Variants in SGPL1 observed in about 807,000 individuals in gnomAD.
SGPL1 encodes the protein sphingosine-1-phosphate lyase 1.
SGPL1 carries 37 observed loss-of-function variants against 68.9 expected under a neutral mutation model. The ratio of observed to expected loss-of-function variants is 0.54; its 90% CI spans 0.41 to 0.71. SGPL1 has a LOEUF of 0.71. Ranked by LOEUF, SGPL1 falls within the 30% of genes least tolerant of loss-of-function variation. SGPL1 has a pLI of 0.00. For missense variants in SGPL1, 551 were observed against 704.6 expected (o/e 0.78, Z 2.47); for synonymous variants, 236 against 248.5 (o/e 0.95, Z 0.47).
At chr10:70,874,648 G>A (rs1331677344) in intron 12 of SGPL1, among the ~76,000 whole-genome samples, 3 of 152,246 alleles carry the variant, frequency 2.0e-5, no homozygotes, top group African/African-American at 4.8e-5. Flanking sequence ...GCTTGAACCC[G>A]GGAGGCAGAG....
chr10:70,868,645 A>G (rs1264861247), intron 8 of SGPL1, among the ~76,000 whole-genome samples: 1 of 137,224 alleles, frequency 7.3e-6, no homozygotes, highest in Admixed American at 7.3e-5. Flanking sequence ...GATCATTCCC[A>G]TCCCGCCCCA....
intron 3 of SGPL1, among the ~76,000 whole-genome samples, chr10:70,848,395 G>A (rs1430680544): frequency 2.1e-5 from 3 of 141,500 alleles, no homozygotes; most frequent in Non-Finnish European, 4.5e-5. Flanking sequence ...ACAACATGAA[G>A]TTTTCAAATG....
intron 2 of SGPL1, among the ~76,000 whole-genome samples, chr10:70,832,488 T>C (rs1314476104): frequency 6.6e-6 from 1 of 152,178 alleles, no homozygotes; most frequent in East Asian, 1.9e-4. Flanking sequence ...GTAAGATAAG[T>C]ATGGGACTGG....
At chr10:70,866,044 T>A (rs1846180106) in intron 7 of SGPL1, among the ~76,000 whole-genome samples, 1 of 152,014 alleles carries the variant, frequency 6.6e-6, no homozygotes, top group African/African-American at 2.4e-5. Flanking sequence ...TAGAAAGAAG[T>A]GGGAGAGTAA....
intron 2 of SGPL1, among the ~76,000 whole-genome samples, chr10:70,841,246 A>G (rs771085321): frequency 1.3e-5 from 2 of 152,134 alleles, no homozygotes; most frequent in South Asian, 2.1e-4. Flanking sequence ...AACTGTCTCC[A>G]TGGGTAGCCC....
At chr10:70,862,399 G>A (rs1016020505) in intron 7 of SGPL1, among the ~76,000 whole-genome samples, 5 of 152,180 alleles carry the variant, frequency 3.3e-5, no homozygotes, top group African/African-American at 4.8e-5. Flanking sequence ...ACCAATCAGC[G>A]CCCTGACAAA....
At chr10:70,840,676 G>A (rs1845700374) in intron 2 of SGPL1, among the ~76,000 whole-genome samples, 1 of 152,130 alleles carries the variant, frequency 6.6e-6, no homozygotes, top group Non-Finnish European at 1.5e-5. Context: ...AAAGAATTTA[G>A]ATTTATCTCC....
intron 3 of SGPL1, among the ~76,000 whole-genome samples, chr10:70,849,679 G>A (rs1013415223): frequency 2.6e-5 from 4 of 152,242 alleles, no homozygotes; most frequent in African/African-American, 9.6e-5. Flanking sequence ...GACACATCCC[G>A]TGGTTGTTGA....
rs566295764 is a variant in SGPL1, at chr10:70,877,258, G to A, written c.1630G>A (p.Val544Ile). The A allele has an allele frequency of 6.2e-7, 1 of 1,614,062 alleles. No homozygotes were observed. Among genetic ancestry groups the A allele is most frequent in the African/African-American group, 1.3e-5 (1 of 75,060 alleles). Reference protein sequence around the residue: ...DRNMVAELSSVFLDSLYSTDT... With the variant: ...DRNMVAELSSIFLDSLYSTDT... Reference sequence around the variant, plus strand: ...GAATATGGTTGCAGAATTGTCCTCAGTCTTCTTGGACAGCTTGTACAGCAC... The same window carrying A: ...GAATATGGTTGCAGAATTGTCCTCAATCTTCTTGGACAGCTTGTACAGCAC... Residue 544 changes from valine (V) to isoleucine (I), a missense_variant, in exon 15 of 15, where the codon GTC becomes ATC. Coordinates refer to ENST00000373202, the MANE Select transcript of SGPL1 (RefSeq NM_003901.4).
At chr10:70,858,770 T>C (rs547302083) in intron 6 of SGPL1, among the ~76,000 whole-genome samples, 2 of 152,352 alleles carry the variant, frequency 1.3e-5, no homozygotes, top group South Asian at 4.1e-4. Context: ...AAATGTGTCA[T>C]GCTTTTACGT....
At chr10:70,861,523 C>T (rs1273170451) in intron 7 of SGPL1, among the ~76,000 whole-genome samples, 1 of 152,216 alleles carries the variant, frequency 6.6e-6, no homozygotes, top group Non-Finnish European at 1.5e-5. Flanking sequence ...CCTCCTCTGC[C>T]TGGGCTCCCA....
intron 3 of SGPL1, among the ~76,000 whole-genome samples, chr10:70,848,608 G>T (rs909961962): frequency 6.6e-6 from 1 of 151,890 alleles, no homozygotes; most frequent in African/African-American, 2.4e-5. Flanking sequence ...GGGATTACAG[G>T]CGCGTGCCAT....
intron 2 of SGPL1, among the ~76,000 whole-genome samples, chr10:70,838,786 A>G (rs560856932): frequency 6.6e-6 from 1 of 152,354 alleles, no homozygotes; most frequent in East Asian, 1.9e-4. Flanking sequence ...ATTACAAGTA[A>G]TAAGGTGCTA....
In SGPL1 at chr10:70,879,865, G is replaced by A. The variant is rs185514463; in HGVS notation, c.*2530G>A. The A allele has an allele frequency of 3.3e-5, 5 of 152,714 alleles. No homozygotes were observed. Among genetic ancestry groups the A allele is most frequent in the African/African-American group, 7.2e-5 (3 of 41,542 alleles). The allele number at this position is 152,714 out of a possible 1,614,324, so 9.5% of individuals were successfully genotyped here. ...TAGAGACACTTAATAGTATCATGTC[G>A]CATGCAGATGTCACATCGGCCTCTG... is the stretch of plus-strand genomic sequence containing the variant. On this transcript the variant is annotated 3_prime_UTR_variant, in exon 15 of 15. Transcript: ENST00000373202.
Position 70,877,626 on chromosome 10 carries a change from C to G in SGPL1, c.*291C>G. On this transcript the variant is annotated 3_prime_UTR_variant, in exon 15 of 15. Coordinates refer to ENST00000373202, the MANE Select transcript of SGPL1 (RefSeq NM_003901.4). ...CTTTTCTAAACTCTCTAGCTTTCAA[C>G]TTTACTTAAACATTGTGTGGTAGCT... The G allele has an allele frequency of 3.1e-6, 1 of 324,560 alleles. No individual in the cohort carries two copies. The highest frequency in any genetic ancestry group is 2.0e-5 in the African/African-American group (1 of 49,112). 20.1% of individuals were successfully genotyped at this position (324,560 alleles called of 1,614,324 possible). A position where few individuals can be genotyped will look rare whatever the true frequency, so the allele number is the denominator to read the frequency against.
chr10:70,831,866 C>A (rs1299179344), intron 2 of SGPL1, among the ~76,000 whole-genome samples: 2 of 152,166 alleles, frequency 1.3e-5, no homozygotes, highest in Non-Finnish European at 2.9e-5. Context: ...TTCCTTCCTC[C>A]AGAATATGGG....
intron 2 of SGPL1, among the ~76,000 whole-genome samples, chr10:70,826,528 T>G (rs527550464): frequency 6.6e-6 from 1 of 152,222 alleles, no homozygotes; most frequent in Non-Finnish European, 1.5e-5. Flanking sequence ...TTATTATACG[T>G]GCAGAAGAGT....
intron 7 of SGPL1, 132 bp downstream of exon 7, chr10:70,859,631 C>A: frequency 2.7e-6 from 1 of 364,984 alleles, no homozygotes; most frequent in Non-Finnish European, 4.0e-6. Context: ...AATATTTGAT[C>A]ATTGTAGAAA....
At chr10:70,830,106 A>G (rs1336232106) in intron 2 of SGPL1, among the ~76,000 whole-genome samples, 2 of 151,992 alleles carry the variant, frequency 1.3e-5, no homozygotes, top group African/African-American at 4.8e-5. Flanking sequence ...TTTAAATTTT[A>G]TTTTTTTATT....
Sources: allele counts gnomAD v4.1 joint callset (sites outside exome capture counted in the v4.1 genomes callset), GRCh38; gene constraint gnomAD v4.1.1; transcripts MANE v1.5; gene names NCBI Gene and HGNC (gene_info 2026-07-23, HGNC 2026-07-21).